Variants in INPP5F observed in about 807,000 individuals in gnomAD.
The protein encoded by INPP5F is phosphatidylinositide 4-phosphatase SAC2.
INPP5F carries 97 observed loss-of-function variants against 137.2 expected under a neutral mutation model. The ratio of observed to expected loss-of-function variants is 0.71; its 90% CI spans 0.60 to 0.84. The LOEUF is 0.84. Among genes scored for constraint, INPP5F ranks in the 40% least tolerant of loss-of-function variants. The pLI is 0.00. For synonymous variants in INPP5F, 504 were observed against 476.9 expected (o/e 1.06, Z -0.74); for missense variants, 1,271 against 1,371.9 (o/e 0.93, Z 1.16).
At position 119,787,657 on chromosome 10, in the gene INPP5F, AAGGC is replaced by A. The variant is rs775953522; in HGVS notation, c.316-3844_316-3841del. On this transcript the variant is annotated intron_variant, in intron 3 of 19. Transcript: ENST00000650623. This position sits in a 1 kb window ranked among gnomAD's most constrained non-coding sequence, Gnocchi z 4.1. ...AGGGGAAGGGGAGGAGGAAGGGAGG[AAGGC>A]AGGCAGGCAGGCAGGAAGGAAGGAA... 4.9e-4 allele frequency among the ~76,000 whole-genome samples: 75 copies of A among 151,892 alleles called. No homozygotes were observed. The highest frequency in any genetic ancestry group is 7.7e-4 in the African/African-American group (32 of 41,486).
intron 18 of INPP5F, 36 bp downstream of exon 18, chr10:119,823,235 A>C (rs1388250940): frequency 6.3e-7 from 1 of 1,599,348 alleles, no homozygotes; most frequent in Admixed American, 1.7e-5. Flanking sequence ...TTCAGTGAAA[A>C]CTTTCTATTT....
In INPP5F at chr10:119,826,799, T is replaced by C; in HGVS notation, c.2418T>C (p.Phe806=). ...GCAACCTCCGAAAGCTAGGAAACTT[T>C]ACCAAACCTGAAATGAAAGTTAACT... The part of the protein sequence containing the change: ...NIGNLRKLGN[F]TKPEMKVNFL... The change falls in exon 20 of 20, where the codon TTT becomes TTC. Residue 806 remains phenylalanine (F), a synonymous_variant. Coordinates refer to ENST00000650623, the MANE Select transcript of INPP5F (RefSeq NM_014937.4). The C allele has an allele frequency of 5.6e-6, 9 of 1,613,806 alleles. No individual in the cohort carries two copies. The highest frequency in any genetic ancestry group is 7.6e-6 in the Non-Finnish European group (9 of 1,179,956).
intron 1 of INPP5F, among the ~76,000 whole-genome samples, chr10:119,731,825 G>A (rs1304154935): frequency 2.6e-5 from 4 of 152,034 alleles, no homozygotes; most frequent in Non-Finnish European, 5.9e-5. Context: ...TTTTTATAAT[G>A]GGTTACTAGT....
chr10:119,741,975 C>T (rs190088794), intron 1 of INPP5F, among the ~76,000 whole-genome samples: 1 of 151,966 alleles, frequency 6.6e-6, no homozygotes, highest in East Asian at 1.9e-4. Context: ...TGCTTGCCAC[C>T]ACGCCTGGCT....
intron 3 of INPP5F, among the ~76,000 whole-genome samples, chr10:119,785,355 G>A (rs1251610130): frequency 1.4e-5 from 2 of 145,142 alleles, no homozygotes; most frequent in Non-Finnish European, 3.0e-5. Context: ...GCACGATCTC[G>A]GCTCACTGCA....
In INPP5F at chr10:119,808,050, C is replaced by G; in HGVS notation, c.1559C>G (p.Ala520Gly). ...ATTAGCAGACAGTATGCTGGGACAG[C>G]TGCTCTGAAGGTAAATACTTGCAGG... ...DSISRQYAGTAALKGDFTRTG... is the reference protein window; with the variant it reads ...DSISRQYAGTGALKGDFTRTG... Residue 520 changes from alanine to glycine, a missense_variant, in exon 13 of 20, where the codon GCT becomes GGT. This residue lies in a region of INPP5F where 593 missense variants were observed against 712.4 expected (regional missense o/e 0.83). Transcript: ENST00000650623. 3 of 1,612,472 alleles carry G rather than the reference C, an allele frequency of 1.9e-6. No homozygotes were observed. The highest frequency in any genetic ancestry group is 2.5e-6 in the Non-Finnish European group (3 of 1,179,470).
intron 1 of INPP5F, among the ~76,000 whole-genome samples, chr10:119,738,821 ATAT>A (rs1848293627): frequency 6.6e-6 from 1 of 152,038 alleles, no homozygotes; most frequent in Admixed American, 6.6e-5. Context: ...TCTTATCTCT[ATAT>A]TAGTATGAGA....
chr10:119,820,103 T>G (rs1851495360), intron 15 of INPP5F, among the ~76,000 whole-genome samples: 2 of 152,228 alleles, frequency 1.3e-5, no homozygotes, highest in African/African-American at 4.8e-5. Context: ...TAATTCAGAT[T>G]CTGCCTGTGT....
chr10:119,794,798 A>C (rs866859938), intron 6 of INPP5F, among the ~76,000 whole-genome samples: 80 of 78,742 alleles, frequency 1.0e-3, no homozygotes, highest in African/African-American at 3.5e-3. Context: ...CGGGGGGCTG[A>C]CCCCCCCACC....
In INPP5F at chr10:119,823,758, C is replaced by T. The variant is rs370285028; in HGVS notation, c.2162-57C>T. 1.0e-5 allele frequency: 14 copies of T among 1,337,066 alleles called. No individual in the cohort carries two copies. In the African/African-American group the frequency reaches 1.3e-4, roughly 12 times the overall value. The allele number at this position is 1,337,066 out of a possible 1,614,324, so 82.8% of individuals were successfully genotyped here. ...TTCAGCGCTAAATGGGTTAGAACTG[C>T]TATTTTTTTTAGTATGTTTATGGAG... On this transcript the variant is annotated intron_variant, in intron 18 of 19. Transcript: ENST00000650623.
At chr10:119,779,213 G>A (rs563833270) in intron 2 of INPP5F, among the ~76,000 whole-genome samples, 4 of 152,180 alleles carry the variant, frequency 2.6e-5, no homozygotes, top group South Asian at 4.1e-4. Context: ...AAAAGATATG[G>A]TATGAAAGAT....
chr10:119,765,766 T>A (rs994139223), intron 2 of INPP5F, among the ~76,000 whole-genome samples: 1 of 149,148 alleles, frequency 6.7e-6, no homozygotes, highest in African/African-American at 2.5e-5. Flanking sequence ...TGTGTGTGTG[T>A]GTGTGTGTGT....
rs145230512 is a variant in INPP5F at position 119,797,464 on chromosome 10, T to C, written c.872T>C (p.Met291Thr). ...TTCTGTTTTAATTTTCTTTCAGGAA[T>C]GCGCTATAAACGAAGAGGAGTGGAT... ...ISRRSRHRAGMRYKRRGVDKN... is the reference protein window; with the variant it reads ...ISRRSRHRAGTRYKRRGVDKN... The change falls in exon 8 of 20, where the codon ATG (methionine) becomes ACG (threonine). Residue 291 changes from methionine to threonine, a missense_variant. Coordinates refer to ENST00000650623, the MANE Select transcript of INPP5F (RefSeq NM_014937.4). 2.7e-3 allele frequency: 4,325 copies of C among 1,602,274 alleles called. 17 individuals carry two copies. Among genetic ancestry groups the C allele is most frequent in the South Asian group, 3.5e-3 (310 of 88,662 alleles).
chr10:119,803,452 G>A (rs1444815946), intron 9 of INPP5F, among the ~76,000 whole-genome samples: 1 of 152,122 alleles, frequency 6.6e-6, no homozygotes, highest in African/African-American at 2.4e-5. Flanking sequence ...TGTTTACATA[G>A]GTCTGCTTCT....
intron 1 of INPP5F, among the ~76,000 whole-genome samples, chr10:119,739,419 T>G (rs1426329437): frequency 6.6e-6 from 1 of 152,146 alleles, no homozygotes; most frequent in East Asian, 1.9e-4. Flanking sequence ...AATAAAAACT[T>G]TAGATGGTAT....
intron 9 of INPP5F, among the ~76,000 whole-genome samples, chr10:119,803,078 C>CTCTT (rs1850648426): frequency 6.6e-6 from 1 of 151,848 alleles, no homozygotes; most frequent in Admixed American, 6.6e-5. Context: ...GGATTTAGGA[C>CTCTT]TCTTTATGCA....
chr10:119,762,633 A>T (rs1053569553), intron 2 of INPP5F, among the ~76,000 whole-genome samples: 12 of 152,228 alleles, frequency 7.9e-5, no homozygotes, highest in Non-Finnish European at 5.9e-5. Context: ...TATTATAAGT[A>T]ATCTAGAGAT....
chr10:119,747,236 T>G (rs1179426426), intron 1 of INPP5F, among the ~76,000 whole-genome samples: 1 of 152,188 alleles, frequency 6.6e-6, no homozygotes, highest in African/African-American at 2.4e-5. Flanking sequence ...TTAATTTTTT[T>G]TTTTTGAGAC....
At chr10:119,812,378 C>CTTT (rs201760506) in intron 15 of INPP5F, among the ~76,000 whole-genome samples, 7,067 of 145,520 alleles carry the variant, frequency 0.049, 250 homozygotes, top group South Asian at 0.19. Flanking sequence ...AACTAATATT[C>CTTT]TTTTTTTTTT....
Sources: allele counts gnomAD v4.1 joint callset (sites outside exome capture counted in the v4.1 genomes callset), GRCh38; gene constraint gnomAD v4.1.1; regional missense constraint gnomAD v4.1.1; non-coding constraint Gnocchi (gnomAD v3.1); transcripts MANE v1.5; gene names NCBI Gene and HGNC (gene_info 2026-07-23, HGNC 2026-07-21).